FHIT: variants seen among roughly 807,000 people sequenced by gnomAD.
FHIT encodes the protein fragile histidine triad diadenosine triphosphatase.
In FHIT, 19 loss-of-function variants were observed where a neutral mutation model predicts 17.9. The observed-to-expected ratio is 1.06, with a 90% CI of 0.74 to 1.56. The LOEUF (loss-of-function observed/expected upper bound fraction) is 1.56. Ranked by LOEUF, FHIT falls within the 40% of genes most tolerant of loss-of-function variation. The pLI, the probability that FHIT is intolerant of heterozygous loss-of-function variation, is 0.00. For missense variants in FHIT, 248 were observed against 189.2 expected (o/e 1.31, Z -1.82); for synonymous variants, 81 against 69.7 (o/e 1.16, Z -0.81).
At chr3:61,168,212 A>G (rs753662) in intron 2 of FHIT, among the ~76,000 whole-genome samples, 88,963 of 152,130 alleles carry the variant, frequency 0.58, 29,506 homozygotes, top group African/African-American at 0.88. Context: ...TACTGTCTAG[A>G]GCTGCTTTCA....
intron 8 of FHIT, among the ~76,000 whole-genome samples, chr3:59,844,073 C>A (rs955313987): frequency 6.6e-6 from 1 of 152,140 alleles, no homozygotes; most frequent in Non-Finnish European, 1.5e-5. Flanking sequence ...GCTTCACTGT[C>A]TGCCATGAGT....
intron 4 of FHIT, among the ~76,000 whole-genome samples, chr3:60,770,339 C>T (rs1026318247): frequency 9.9e-5 from 15 of 152,048 alleles, no homozygotes; most frequent in East Asian, 1.9e-4. Flanking sequence ...ATTTGTCTCG[C>T]GTGGCTGCCC....
intron 5 of FHIT, among the ~76,000 whole-genome samples, chr3:60,115,607 GACCCACACAAAGATTAGTTGTAAAACAT>G: frequency 6.6e-6 from 1 of 152,042 alleles, no homozygotes; most frequent in Non-Finnish European, 1.5e-5. Flanking sequence ...AATGATCAGA[GACCCACACAAAGATTAGTTGTAAAACAT>G]TTGTCACAGT....
chr3:60,491,176 AT>A (rs2034048097), intron 5 of FHIT, among the ~76,000 whole-genome samples: 2 of 152,156 alleles, frequency 1.3e-5, no homozygotes, highest in Non-Finnish European at 2.9e-5. Flanking sequence ...CTGAAATATG[AT>A]TTTTATTAAG....
chr3:61,067,132 G>A (rs146772556), intron 2 of FHIT, among the ~76,000 whole-genome samples: 101 of 152,302 alleles, frequency 6.6e-4, no homozygotes, highest in Admixed American at 1.2e-3. Context: ...CAGCTGCAAT[G>A]AAATTAGGTG....
chr3:60,913,626 C>A (rs1430433429), intron 3 of FHIT, among the ~76,000 whole-genome samples: 1 of 152,186 alleles, frequency 6.6e-6, no homozygotes, highest in African/African-American at 2.4e-5. Flanking sequence ...TGACTTTAAA[C>A]AACAATTTAT....
chr3:60,620,163 A>C (rs2039078950), intron 4 of FHIT, among the ~76,000 whole-genome samples: 1 of 152,220 alleles, frequency 6.6e-6, no homozygotes, highest in Admixed American at 6.5e-5. Context: ...AGTGCTAGTG[A>C]GGATGTGGGG....
At chr3:60,313,989 T>C (rs149574484) in intron 5 of FHIT, among the ~76,000 whole-genome samples, 1 of 152,350 alleles carries the variant, frequency 6.6e-6, no homozygotes, top group Non-Finnish European at 1.5e-5. Context: ...TTTGATATGT[T>C]GGATAATGCA....
At chr3:59,988,077 G>A (rs12107407) in intron 7 of FHIT, among the ~76,000 whole-genome samples, 64,538 of 151,868 alleles carry the variant, frequency 0.42, 14,196 homozygotes, top group Non-Finnish European at 0.48. Flanking sequence ...TAGGGAATGC[G>A]TATCAGCTTT....
chr3:59,794,078 T>C (rs1425224358), intron 8 of FHIT, among the ~76,000 whole-genome samples: 3 of 152,054 alleles, frequency 2.0e-5, no homozygotes, highest in Non-Finnish European at 4.4e-5. Context: ...TTTTAAACCA[T>C]GAAAAAAAGA....
At chr3:59,898,767 C>T (rs1297873766) in intron 8 of FHIT, among the ~76,000 whole-genome samples, 1 of 152,050 alleles carries the variant, frequency 6.6e-6, no homozygotes, top group Non-Finnish European at 1.5e-5. Flanking sequence ...CAAGTTCAGA[C>T]ATTGATTTCT....
At chr3:61,181,819 A>AG (rs2038353269) in intron 2 of FHIT, among the ~76,000 whole-genome samples, 1 of 152,196 alleles carries the variant, frequency 6.6e-6, no homozygotes, top group African/African-American at 2.4e-5. Flanking sequence ...CTTAGAAAAA[A>AG]TGGTTCAGGA....
chr3:61,042,690 A>G, intron 2 of FHIT, among the ~76,000 whole-genome samples: 1 of 151,934 alleles, frequency 6.6e-6, no homozygotes, highest in Admixed American at 6.6e-5. Context: ...AATACAAAAA[A>G]TTAGCTAGGT....
At chr3:60,432,961 A>C (rs960733026) in intron 5 of FHIT, among the ~76,000 whole-genome samples, 1 of 151,826 alleles carries the variant, frequency 6.6e-6, no homozygotes, top group Admixed American at 6.6e-5. Context: ...CATACTCTTA[A>C]GAAAATTTTA....
chr3:60,140,045 T>C (rs1184619075), intron 5 of FHIT, among the ~76,000 whole-genome samples: 1 of 151,646 alleles, frequency 6.6e-6, no homozygotes, highest in Non-Finnish European at 1.5e-5. Flanking sequence ...TGCTTAAACC[T>C]GAGAGACAGA....
At chr3:60,400,504 A>C (rs1449948159) in intron 5 of FHIT, among the ~76,000 whole-genome samples, 4 of 152,168 alleles carry the variant, frequency 2.6e-5, no homozygotes, top group Admixed American at 2.6e-4. Context: ...TGGTGTTAGA[A>C]ACACCAACCT....
At chr3:60,383,538 C>G (rs1421861982) in intron 5 of FHIT, among the ~76,000 whole-genome samples, 15 of 151,848 alleles carry the variant, frequency 9.9e-5, no homozygotes, top group Admixed American at 9.8e-4. Flanking sequence ...CTTCCTGCAA[C>G]AAAGAATTAT....
At chr3:60,050,003 T>C (rs1701807679) in intron 5 of FHIT, among the ~76,000 whole-genome samples, 1 of 152,180 alleles carries the variant, frequency 6.6e-6, no homozygotes, top group African/African-American at 2.4e-5. Flanking sequence ...TATAGAGCAG[T>C]GTTTCTTATT....
intron 4 of FHIT, among the ~76,000 whole-genome samples, chr3:60,614,034 G>T (rs1371580291): frequency 6.6e-6 from 1 of 152,110 alleles, no homozygotes; most frequent in Non-Finnish European, 1.5e-5. Context: ...AGTGATACAG[G>T]TTGTGGGTGG....
Sources: gnomAD v4.1 joint callset for allele counts (sites outside exome capture counted in the v4.1 genomes callset) on GRCh38, gnomAD v4.1.1 for gene constraint, MANE v1.5 for transcripts, NCBI Gene and HGNC (gene_info 2026-07-23, HGNC 2026-07-21) for gene names.